Variants in CCNY observed in about 807,000 individuals in gnomAD.
CCNY encodes cyclin-Y.
CCNY carries 19 observed loss-of-function variants against 42.8 expected under a neutral mutation model. That is an observed-to-expected ratio of 0.44 (90% CI 0.31 to 0.65). The LOEUF (loss-of-function observed/expected upper bound fraction) is 0.65, where lower values mean the gene tolerates loss of function less well. Ranked by LOEUF, CCNY falls within the 30% of genes least tolerant of loss-of-function variation. The pLI is 0.07. For synonymous variants in CCNY, 165 were observed against 162.7 expected (o/e 1.01, Z -0.11); for missense variants, 370 against 437.3 (o/e 0.85, Z 1.37).
At chr10:35,526,613 GA>G (rs1347525078) in intron 5 of CCNY, among the ~76,000 whole-genome samples, 2 of 150,940 alleles carry the variant, frequency 1.3e-5, no homozygotes, top group Admixed American at 1.3e-4. Context: ...ATTGATTGGA[GA>G]ACCAAAATGT....
At chr10:35,454,678 C>T (rs1045876552) in intron 1 of CCNY, among the ~76,000 whole-genome samples, 4 of 152,192 alleles carry the variant, frequency 2.6e-5, no homozygotes, top group Admixed American at 1.3e-4. Flanking sequence ...ATGAGGTGCC[C>T]GGGGAGGTGG....
At chr10:35,525,686 T>A (rs140617678) in intron 4 of CCNY, among the ~76,000 whole-genome samples, 70 of 152,268 alleles carry the variant, frequency 4.6e-4, no homozygotes, top group African/African-American at 1.6e-3. Flanking sequence ...TGAGGAAAGC[T>A]GAAAATTTCT....
chr10:35,430,285 C>T lies in CCNY; in HGVS notation c.155-53119C>T, dbSNP rs1040966969. ...CCGGGAGGCGGAGCTTGCAGTGAGCCGAGATCCCGCCACTGCACTCCAGCC... is the reference window on the plus strand; with the variant it reads ...CCGGGAGGCGGAGCTTGCAGTGAGCTGAGATCCCGCCACTGCACTCCAGCC... On this transcript the variant is annotated intron_variant, in intron 1 of 9. Transcript: ENST00000374704. 1.4e-3 allele frequency among the ~76,000 whole-genome samples: 186 copies of T among 131,490 alleles called. 1 individual carries two copies. Among genetic ancestry groups the T allele is most frequent in the Non-Finnish European group, 1.6e-3 (104 of 64,906 alleles). 86.3% of individuals were successfully genotyped at this position (131,490 alleles called of 152,430 possible).
intron 1 of CCNY, among the ~76,000 whole-genome samples, chr10:35,354,131 A>G (rs1365990652): frequency 6.6e-6 from 1 of 151,940 alleles, no homozygotes; most frequent in Non-Finnish European, 1.5e-5. Context: ...AAGTGATCCA[A>G]GAGAGAGCAG....
rs562303534 is a variant in CCNY at position 35,270,730 on chromosome 10, T to G, written c.-9+20104T>G. On this transcript the variant is annotated intron_variant, in intron 3 of 11. Coordinates refer to the CCNY transcript ENST00000374706. The stretch of plus-strand genomic sequence containing the variant: ...ACATGGTCAGTTCTTTTTTTTTTCT[T>G]TTTTTTTTTTTTTGAGACAGAGTCT... Among the ~76,000 whole-genome samples the G allele has an allele frequency of 2.1e-5, 3 of 145,040 alleles. No homozygotes were observed. The South Asian group carries it at 6.6e-4, about 32-fold the overall frequency.
At chr10:35,527,272 A>C (rs1840671320) in intron 5 of CCNY, among the ~76,000 whole-genome samples, 1 of 152,234 alleles carries the variant, frequency 6.6e-6, no homozygotes, top group African/African-American at 2.4e-5. Context: ...CTATTTCTAT[A>C]CTAGTTCAAA....
At chr10:35,436,644 C>G (rs1204821033) in intron 1 of CCNY, among the ~76,000 whole-genome samples, 2 of 152,198 alleles carry the variant, frequency 1.3e-5, no homozygotes, top group African/African-American at 4.8e-5. Context: ...TCCTCCATGA[C>G]TTTGAGATCC....
At chr10:35,429,221 A>G (rs995298866) in intron 1 of CCNY, among the ~76,000 whole-genome samples, 1 of 152,230 alleles carries the variant, frequency 6.6e-6, no homozygotes, top group African/African-American at 2.4e-5. Flanking sequence ...AGACAGGGGA[A>G]CCTAGTTGTT....
At chr10:35,406,698 A>G (rs1837781777) in intron 1 of CCNY, among the ~76,000 whole-genome samples, 2 of 151,710 alleles carry the variant, frequency 1.3e-5, no homozygotes, top group Admixed American at 6.5e-5. Flanking sequence ...TTTCTATTCC[A>G]CAAAACTGCC....
At chr10:35,442,142 A>G (rs373268248) in intron 1 of CCNY, among the ~76,000 whole-genome samples, 18 of 152,226 alleles carry the variant, frequency 1.2e-4, no homozygotes, top group African/African-American at 4.3e-4. Context: ...CTTAGCCTGC[A>G]TGACCCACAG....
chr10:35,466,968 G>T (rs1406642512), intron 1 of CCNY, among the ~76,000 whole-genome samples: 2 of 152,148 alleles, frequency 1.3e-5, no homozygotes, highest in Admixed American at 1.3e-4. Flanking sequence ...AATGAAAGTA[G>T]GTTGTAAAAT....
At chr10:35,307,782 G>A (rs1835627392) in intron 3 of CCNY, among the ~76,000 whole-genome samples, 2 of 84,288 alleles carry the variant, frequency 2.4e-5, no homozygotes, top group African/African-American at 1.0e-4. Flanking sequence ...GTGTGTGTGT[G>A]TGTGTGTGTG....
At chr10:35,501,629 C>A in intron 3 of CCNY, 94 bp downstream of exon 3, 1 of 1,067,108 alleles carries the variant, frequency 9.4e-7, no homozygotes, top group Non-Finnish European at 1.5e-6. Context: ...GGCTCATGTG[C>A]TTTGTAGATA....
intron 3 of CCNY, among the ~76,000 whole-genome samples, chr10:35,259,661 C>T (rs1157558757): frequency 8.0e-6 from 1 of 124,654 alleles, no homozygotes; most frequent in African/African-American, 3.2e-5. Context: ...CACCATCATG[C>T]CTGGCTAATT....
In CCNY at chr10:35,570,759, T is replaced by A. The variant is rs1389403883; in HGVS notation, c.*1589T>A. ...ATCCCCAAACATTGCCTGCTCTCAA[T>A]GAAACATGCTTTGGAAATGGAAGGG... is the stretch of plus-strand genomic sequence containing the variant. On this transcript the variant is annotated 3_prime_UTR_variant, in exon 10 of 10. Transcript: ENST00000374704. The A allele has an allele frequency of 6.6e-6, 1 of 152,288 alleles. No homozygotes were observed. The highest frequency in any genetic ancestry group is 2.4e-5 in the African/African-American group (1 of 41,438). The allele number at this position is 152,288 out of a possible 1,614,324, so 9.4% of individuals were successfully genotyped here. A position where few individuals can be genotyped will look rare whatever the true frequency, so the allele number is the denominator to read the frequency against.
chr10:35,485,470 A>C (rs1016613530), intron 2 of CCNY, among the ~76,000 whole-genome samples: 54 of 152,248 alleles, frequency 3.5e-4, no homozygotes, highest in Non-Finnish European at 8.8e-5. Context: ...TCACGCCTGT[A>C]ATCCCAGCAC....
chr10:35,391,644 C>A (rs1466496013), intron 1 of CCNY, among the ~76,000 whole-genome samples: 2 of 152,158 alleles, frequency 1.3e-5, no homozygotes, highest in African/African-American at 4.8e-5. Flanking sequence ...TAACATTACC[C>A]TAGTTTTTAG....
chr10:35,547,616 G>C (rs1032152358), intron 7 of CCNY, among the ~76,000 whole-genome samples: 1 of 152,148 alleles, frequency 6.6e-6, no homozygotes, highest in Non-Finnish European at 1.5e-5. Flanking sequence ...CGTTTTACTA[G>C]CGAATCACTC....
chr10:35,431,710 G>A (rs1336253138), intron 1 of CCNY, among the ~76,000 whole-genome samples: 1 of 151,914 alleles, frequency 6.6e-6, no homozygotes, highest in Non-Finnish European at 1.5e-5. Flanking sequence ...GTTTTGTTGG[G>A]GAAAAAGAAG....
Sources: gnomAD v4.1 joint callset for allele counts (sites outside exome capture counted in the v4.1 genomes callset) on GRCh38, gnomAD v4.1.1 for gene constraint, MANE v1.5 for transcripts, NCBI Gene and HGNC (gene_info 2026-07-23, HGNC 2026-07-21) for gene names.